SMCR8: variants seen among roughly 807,000 people sequenced by gnomAD.
SMCR8 encodes the protein guanine nucleotide exchange protein SMCR8.
In SMCR8, 30 loss-of-function variants were observed where a neutral mutation model predicts 56.6. The observed-to-expected ratio is 0.53, with a 90% CI of 0.40 to 0.72. SMCR8 has a LOEUF of 0.72. SMCR8 is among the 30% of genes least tolerant of loss of function. The pLI, the probability that SMCR8 is intolerant of heterozygous loss-of-function variation, is 0.00. For missense variants in SMCR8, 1,198 were observed against 1,157.0 expected (o/e 1.04, Z -0.51); for synonymous variants, 538 against 456.0 (o/e 1.18, Z -2.29).
Position 18,317,805 on chromosome 17 carries a change from A to G in SMCR8, c.2016A>G (p.Ser672=), listed in dbSNP as rs1339938611. Reference sequence around the variant, plus strand: ...GTAAGACCAGCCTGGACAACTACTCAGACACCACCAGCTACGTGAGCAGTG... The same window carrying G: ...GTAAGACCAGCCTGGACAACTACTCGGACACCACCAGCTACGTGAGCAGTG... ...DISKTSLDNY[S]DTTSYVSSVA... Residue 672 remains serine, a synonymous_variant, in exon 1 of 2, where the codon TCA becomes TCG. Transcript: ENST00000406438. The G allele has an allele frequency of 3.7e-6, 6 of 1,614,018 alleles. 1 individual carries two copies. Among genetic ancestry groups the G allele is most frequent in the East Asian group, 4.5e-5 (2 of 44,896 alleles).
At chr17:18,319,356 G>A (rs1393554180) in intron 1 of SMCR8, among the ~76,000 whole-genome samples, 2 of 152,158 alleles carry the variant, frequency 1.3e-5, no homozygotes, top group Admixed American at 1.3e-4. Flanking sequence ...CACTCAGAGG[G>A]TGGAACCGGC....
intron 1 of SMCR8, among the ~76,000 whole-genome samples, chr17:18,320,060 G>A (rs758513078): frequency 3.9e-5 from 6 of 152,210 alleles, no homozygotes; most frequent in Non-Finnish European, 8.8e-5. Context: ...GCAGTCACAA[G>A]CCCAGACCGA....
At chr17:18,318,261 C>T (rs574340168) in intron 1 of SMCR8, 112 bp downstream of exon 1, 2 of 1,042,258 alleles carry the variant, frequency 1.9e-6, no homozygotes, top group African/African-American at 3.2e-5. Flanking sequence ...CCAGTTCCTA[C>T]CACTGTGTTA....
Position 18,319,921 on chromosome 17 carries a change from A to G in SMCR8, c.2360+1772A>G, listed in dbSNP as rs960300994. ...TCTTTAGTAGAGACAGGGTTTCACCATGTTGGCCAGGCTGGTCTCAAATGA... is the reference window on the plus strand; with the variant it reads ...TCTTTAGTAGAGACAGGGTTTCACCGTGTTGGCCAGGCTGGTCTCAAATGA... On this transcript the variant is annotated intron_variant, in intron 1 of 1. Coordinates refer to ENST00000406438, the MANE Select transcript of SMCR8 (RefSeq NM_144775.3). Among the ~76,000 whole-genome samples the G allele has an allele frequency of 6.8e-4, 104 of 152,170 alleles. 3 individuals are homozygous for G. The highest frequency in any genetic ancestry group is 1.3e-4 in the Non-Finnish European group (9 of 68,034).
chr17:18,322,566 C>A (rs1333104465), intron 1 of SMCR8, 51 bp from the exon 2 acceptor site: 1 of 1,563,412 alleles, frequency 6.4e-7, no homozygotes, highest in Admixed American at 1.7e-5. Context: ...GCTTCTGCCT[C>A]CACTTTCCCG....
chr17:18,317,937 G>C lies in SMCR8; in HGVS notation c.2148G>C (p.Gln716His). 1 of 1,614,212 alleles carries C rather than the reference G, an allele frequency of 6.2e-7. No homozygotes were observed. The highest frequency in any genetic ancestry group is 8.5e-7 in the Non-Finnish European group (1 of 1,180,048). The change falls in exon 1 of 2, where the codon CAG becomes CAC. Residue 716 changes from glutamine to histidine, a missense_variant. By Grantham distance (24) the Gln-to-His change is conservative. Transcript: ENST00000406438. ...AGAACGCCTTAAAATTCATCCGCCA[G>C]TACCCCTTTGCCCACCCAGCCATCT... Reference protein sequence around the residue: ...AGQNALKFIRQYPFAHPAIYS... With the variant: ...AGQNALKFIRHYPFAHPAIYS...
rs201638935 is a variant in SMCR8 at position 18,322,669 on chromosome 17, C to A, written c.2413C>A (p.Arg805Ser). The A allele has an allele frequency of 8.2e-4, 1,328 of 1,614,226 alleles. 10 individuals are homozygous for A. Among genetic ancestry groups the A allele is most frequent in the South Asian group, 6.1e-3 (554 of 91,090 alleles). ...CCTCCATGCCCTGAGCCGCTACAGC[C>A]GCTACACGAGCATCCTGGACCTTGA... ...GTLHALSRYSRYTSILDLDNK... is the reference protein window; with the variant it reads ...GTLHALSRYSSYTSILDLDNK... The change falls in exon 2 of 2, where the codon CGC becomes AGC. Residue 805 changes from arginine to serine, a missense_variant. Transcript: ENST00000406438.
Position 18,317,268 on chromosome 17 carries a change from C to T in SMCR8, c.1479C>T (p.Leu493=). 6.2e-7 allele frequency: 1 copy of T among 1,614,142 alleles called. No homozygotes were observed. Among genetic ancestry groups the T allele is most frequent in the Non-Finnish European group, 8.5e-7 (1 of 1,180,052 alleles). The change falls in exon 1 of 2, where the codon CTC becomes CTT. Residue 493 remains leucine (L), a synonymous_variant. Transcript: ENST00000406438. ...VLSKSDSQAS[L]TVPLSPQVVR... is the part of the protein sequence containing the mutation. Reference sequence around the variant, plus strand: ...CTAAATCTGACAGCCAGGCAAGCCTCACAGTACCATTGAGCCCCCAGGTGG... The same window carrying T: ...CTAAATCTGACAGCCAGGCAAGCCTTACAGTACCATTGAGCCCCCAGGTGG...
At position 18,316,791 on chromosome 17, in the gene SMCR8, C is replaced by G; in HGVS notation, c.1002C>G (p.Thr334=). Residue 334 remains threonine, a synonymous_variant, in exon 1 of 2, where the codon ACC becomes ACG. Transcript: ENST00000406438. ...ELCDTEYFTQ[T]LAQLSHIEHM... ...GTGACACTGAATATTTCACCCAGAC[C>G]CTGGCTCAGCTCAGCCACATTGAAC... The G allele has an allele frequency of 6.2e-7, 1 of 1,614,204 alleles. No homozygotes were observed.
rs1435440630 is a variant in SMCR8, at chr17:18,326,078, T to C, written c.*3008T>C. ...AAACTGTCTCAAAAAAAAAAAATTT[T>C]TCATTTGAGGTATTCTTCCAGTAGA... On this transcript the variant is annotated 3_prime_UTR_variant, in exon 2 of 2. Coordinates refer to ENST00000406438, the MANE Select transcript of SMCR8 (RefSeq NM_144775.3). The C allele has an allele frequency of 6.6e-6, 1 of 152,116 alleles. No individual in the cohort carries two copies. The highest frequency in any genetic ancestry group is 6.5e-5 in the Admixed American group (1 of 15,272). 9.4% of individuals were successfully genotyped at this position (152,116 alleles called of 1,614,324 possible).
intron 1 of SMCR8, among the ~76,000 whole-genome samples, chr17:18,321,435 G>A (rs1319522295): frequency 6.6e-6 from 1 of 152,196 alleles, no homozygotes; most frequent in East Asian, 1.9e-4. Flanking sequence ...TCACCCCACT[G>A]GTCAGTGCTA....
In SMCR8 at chr17:18,316,225, G is replaced by T. The variant is rs761077903; in HGVS notation, c.436G>T (p.Ala146Ser). 8.7e-6 allele frequency: 14 copies of T among 1,613,664 alleles called. No individual in the cohort carries two copies. Among genetic ancestry groups the T allele is most frequent in the Non-Finnish European group, 1.1e-5 (13 of 1,180,036 alleles). ...CCACCTTACCCTATACGACCTGGAG[G>T]CCCGTGGCTTCGTGAGGCCGTTTTG... ...VHHLTLYDLE[A>S]RGFVRPFCMA... The change falls in exon 1 of 2, where the codon GCC (alanine) becomes TCC (serine). Residue 146 changes from alanine (A) to serine (S), a missense_variant. Coordinates refer to ENST00000406438, the MANE Select transcript of SMCR8 (RefSeq NM_144775.3).
chr17:18,317,721 TG>T lies in SMCR8; in HGVS notation c.1933del (p.Glu645LysfsTer34). ...ANPSSRDNSC[E>X]GFPAYELDPS... is the part of the protein sequence containing the mutation. The stretch of plus-strand genomic sequence containing the variant: ...ACCCTTCTTCCCGAGACAACAGTTG[TG>T]AAGGGTTTCCCGCTTATGAGCTGGA... On this transcript the variant is annotated frameshift_variant, in exon 1 of 2. Transcript: ENST00000406438. LOFTEE classifies it high-confidence loss of function. 1 of 1,614,128 alleles carries T rather than the reference TG, an allele frequency of 6.2e-7. No homozygotes were observed. Among genetic ancestry groups the T allele is most frequent in the South Asian group, 1.1e-5 (1 of 91,076 alleles).
In SMCR8 at chr17:18,322,979, T is replaced by A. The variant is rs1378130265; in HGVS notation, c.2723T>A (p.Leu908Gln). The A allele has an allele frequency of 6.2e-7, 1 of 1,614,228 alleles. No individual in the cohort carries two copies. The highest frequency in any genetic ancestry group is 1.7e-5 in the Admixed American group (1 of 60,032). ...DVRVVQYLAE[L>Q]LKLHYMQESP... The stretch of plus-strand genomic sequence containing the variant: ...AGGGTGGTCCAGTACCTGGCTGAGC[T>A]GCTGAAGCTGCACTACATGCAGGAA... Residue 908 changes from leucine (L) to glutamine (Q), a missense_variant, in exon 2 of 2, where the codon CTG becomes CAG. By Grantham distance (113) the Leu-to-Gln change is moderately radical (BLOSUM62 -2). Coordinates refer to ENST00000406438, the MANE Select transcript of SMCR8 (RefSeq NM_144775.3).
At chr17:18,318,878 GT>G (rs1381841524) in intron 1 of SMCR8, among the ~76,000 whole-genome samples, 2 of 152,198 alleles carry the variant, frequency 1.3e-5, no homozygotes, top group African/African-American at 4.8e-5. Context: ...GGGGGAAAGG[GT>G]TAGGCTGCTG....
chr17:18,318,869 G>A (rs1401037853), intron 1 of SMCR8, among the ~76,000 whole-genome samples: 3 of 152,194 alleles, frequency 2.0e-5, no homozygotes, highest in Non-Finnish European at 2.9e-5. Flanking sequence ...GATGACTCCG[G>A]GGGAAAGGGT....
chr17:18,323,060 A>G lies in SMCR8; in HGVS notation c.2804A>G (p.Tyr935Cys), dbSNP rs1006377419. The change falls in exon 2 of 2, where the codon TAT becomes TGT. Residue 935 changes from tyrosine to cysteine, a missense_variant. Coordinates refer to ENST00000406438, the MANE Select transcript of SMCR8 (RefSeq NM_144775.3). ...TTTGACTATGTCCCCAGCTTTTTGT[A>G]TAAAATCTGAGGTCGGTCCCAGACA... is the stretch of plus-strand genomic sequence containing the variant. ...LRFDYVPSFL[Y>C]KI is the part of the protein sequence containing the mutation. 3 of 1,612,826 alleles carry G rather than the reference A, an allele frequency of 1.9e-6. No homozygotes were observed. Among genetic ancestry groups the G allele is most frequent in the East Asian group, 2.2e-5 (1 of 44,858 alleles).
At position 18,327,713 on chromosome 17, in the gene SMCR8, C is replaced by G. The variant is rs1304436738; in HGVS notation, c.*4643C>G. On this transcript the variant is annotated 3_prime_UTR_variant, in exon 2 of 2. Transcript: ENST00000406438. ...AAAGCTATTTTATTACTGCATGTTC[C>G]CGTCCCGTCTTGTGAATGTGAGTCC... 1 of 152,350 alleles carries G rather than the reference C, an allele frequency of 6.6e-6. No homozygotes were observed. The highest frequency in any genetic ancestry group is 1.9e-4 in the East Asian group (1 of 5,192). 9.4% of individuals were successfully genotyped at this position (152,350 alleles called of 1,614,324 possible).
At chr17:18,321,562 C>G (rs1001445484) in intron 1 of SMCR8, among the ~76,000 whole-genome samples, 1 of 152,260 alleles carries the variant, frequency 6.6e-6, no homozygotes. Flanking sequence ...AGTAACTGGC[C>G]TGTACAGTGG....
Sources: gnomAD v4.1 joint callset for allele counts (sites outside exome capture counted in the v4.1 genomes callset) on GRCh38, gnomAD v4.1.1 for gene constraint, MANE v1.5 for transcripts, NCBI Gene and HGNC (gene_info 2026-07-23, HGNC 2026-07-21) for gene names.